Variants in KREMEN1 observed in about 807,000 individuals in gnomAD.
The protein encoded by KREMEN1 is kringle containing transmembrane protein 1, also known as kremen protein 1.
A neutral mutation model predicts 46.5 loss-of-function variants in KREMEN1; 30 were observed. The observed-to-expected ratio is 0.65, with a 90% CI of 0.48 to 0.88. The LOEUF (loss-of-function observed/expected upper bound fraction) is 0.88, where lower values mean the gene tolerates loss of function less well. Among genes scored for constraint, KREMEN1 ranks in the 40% least tolerant of loss-of-function variants. The pLI is 0.00. For missense variants in KREMEN1, 533 were observed against 596.9 expected, an observed-to-expected ratio of 0.89 and a Z score of 1.11; for synonymous variants, 214 against 230.6, an observed-to-expected ratio of 0.93 and a Z score of 0.65.
chr22:29,150,485 C>T (rs1342641387), downstream of KREMEN1, among the ~76,000 whole-genome samples: 2 of 152,220 alleles, frequency 1.3e-5, no homozygotes, highest in African/African-American at 4.8e-5. Flanking sequence ...CCAGGGCTTT[C>T]GCAACAGTGA....
intron 1 of KREMEN1, among the ~76,000 whole-genome samples, chr22:29,087,049 C>T (rs1030642993): frequency 2.6e-5 from 4 of 152,148 alleles, no homozygotes; most frequent in African/African-American, 7.2e-5. Context: ...AGGCATGAGC[C>T]ATACCCTCTA....
intron 4 of KREMEN1, among the ~76,000 whole-genome samples, chr22:29,124,081 C>G (rs1388205894): frequency 6.6e-6 from 1 of 151,948 alleles, no homozygotes; most frequent in Non-Finnish European, 1.5e-5. Context: ...AGTTATTACC[C>G]TAGAGACATG....
intron 5 of KREMEN1, among the ~76,000 whole-genome samples, chr22:29,136,401 A>G (rs112363335): frequency 0.035 from 5,331 of 151,674 alleles, 345 homozygotes; most frequent in African/African-American, 0.12. Flanking sequence ...GTGAAACCCC[A>G]TCTCTACTAA....
Position 29,084,018 on chromosome 22 carries a change from C to T in KREMEN1, c.98-10240C>T, listed in dbSNP as rs555366810. 2.1e-3 allele frequency among the ~76,000 whole-genome samples: 320 copies of T among 152,066 alleles called. 3 individuals are homozygous for T. Among genetic ancestry groups the T allele is most frequent in the Admixed American group, 7.7e-3 (117 of 15,270 alleles). ...AGGGGTAGATTACTCATGAGATTTCCGGGAAGGGGGTGAGGAGGTCCCGGA... is the reference window on the plus strand; with the variant it reads ...AGGGGTAGATTACTCATGAGATTTCTGGGAAGGGGGTGAGGAGGTCCCGGA... On this transcript the variant is annotated intron_variant, in intron 1 of 8. Transcript: ENST00000400335.
chr22:29,151,831 G>T (rs1182027036), intron 9 of KREMEN1, among the ~76,000 whole-genome samples: 1 of 151,966 alleles, frequency 6.6e-6, no homozygotes, highest in Admixed American at 6.6e-5. Context: ...CCAACATGGT[G>T]AAACCCTGTC....
downstream of KREMEN1, among the ~76,000 whole-genome samples, chr22:29,148,349 G>A (rs1442965924): frequency 6.6e-6 from 1 of 152,202 alleles, no homozygotes; most frequent in Non-Finnish European, 1.5e-5. Context: ...GTCCTGGGAT[G>A]CACTGAGGCA....
intron 4 of KREMEN1, 117 bp from the exon 5 acceptor site, chr22:29,125,146 A>G: frequency 1.8e-6 from 2 of 1,111,990 alleles, no homozygotes; most frequent in Non-Finnish European, 1.3e-6. Flanking sequence ...GTCCCAGGGG[A>G]AGGGACCCTG....
chr22:29,142,995 T>G lies in KREMEN1; in HGVS notation c.*883T>G, dbSNP rs2038791770. The G allele has an allele frequency of 1.9e-6, 1 of 534,368 alleles. No homozygotes were observed. The highest frequency in any genetic ancestry group is 2.4e-6 in the Non-Finnish European group (1 of 418,486). The allele number at this position is 534,368 out of a possible 1,614,324, so 33.1% of individuals were successfully genotyped here. ...TGAAACCCCGTCTCTACTAAAAATATAAAAATTAGTCAGGCGTGGTGGCAG... is the reference window on the plus strand; with the variant it reads ...TGAAACCCCGTCTCTACTAAAAATAGAAAAATTAGTCAGGCGTGGTGGCAG... On this transcript the variant is annotated 3_prime_UTR_variant, in exon 9 of 9. Transcript: ENST00000400335.
chr22:29,147,699 C>T (rs73397010), downstream of KREMEN1, among the ~76,000 whole-genome samples: 254 of 152,316 alleles, frequency 1.7e-3, no homozygotes, highest in African/African-American at 5.7e-3. Context: ...GGAAACCAGT[C>T]GGGAGACTCT....
intron 9 of KREMEN1, among the ~76,000 whole-genome samples, chr22:29,163,984 A>G (rs1777205047): frequency 6.6e-6 from 1 of 151,858 alleles, no homozygotes; most frequent in South Asian, 2.1e-4. Context: ...GGGCCCATTC[A>G]CAGATTGAAT....
At chr22:29,083,678 A>G (rs112355509) in intron 1 of KREMEN1, among the ~76,000 whole-genome samples, 2,753 of 152,262 alleles carry the variant, frequency 0.018, 85 homozygotes, top group African/African-American at 0.063. Context: ...CTAAAAATAC[A>G]AAAGTTAGCC....
At position 29,140,347 on chromosome 22, in the gene KREMEN1, C is replaced by A; in HGVS notation, c.1189C>A (p.Leu397Ile). Residue 397 changes from leucine to isoleucine, a missense_variant, in exon 8 of 9, where the codon CTT (leucine) becomes ATT (isoleucine). By Grantham distance (5) the Leu-to-Ile change is conservative. Coordinates refer to ENST00000400335, the MANE Select transcript of KREMEN1 (RefSeq NM_001039570.3). ...AGTCACAGCCATTGTAGCAAAGATA[C>A]TTCTGCACGTCACATTCAAGTGAGT... Reference protein sequence around the residue: ...LTVTAIVAKILLHVTFKSHRV... With the variant: ...LTVTAIVAKIILHVTFKSHRV... 6.2e-7 allele frequency: 1 copy of A among 1,613,670 alleles called. No homozygotes were observed. The highest frequency in any genetic ancestry group is 8.5e-7 in the Non-Finnish European group (1 of 1,179,526).
rs2037509802 is a variant in KREMEN1, at chr22:29,073,505, C to T, written c.97+278C>T. Among the ~76,000 whole-genome samples the T allele has an allele frequency of 6.6e-6, 1 of 152,034 alleles. No homozygotes were observed. The highest frequency in any genetic ancestry group is 2.1e-4 in the South Asian group (1 of 4,822). On this transcript the variant is annotated intron_variant, in intron 1 of 8. Transcript: ENST00000400335. This position sits in a 1 kb window ranked among gnomAD's most constrained non-coding sequence, Gnocchi z 4.4. ...CCTCAGCCCAGGAGGCCCTCTCCGCCTTGAGTCTTCCAAGACCCTCTGCGA... is the reference window on the plus strand; with the variant it reads ...CCTCAGCCCAGGAGGCCCTCTCCGCTTTGAGTCTTCCAAGACCCTCTGCGA...
At chr22:29,125,679 G>A (rs1204627721) in intron 5 of KREMEN1, among the ~76,000 whole-genome samples, 1 of 152,164 alleles carries the variant, frequency 6.6e-6, no homozygotes, top group African/African-American at 2.4e-5. Context: ...GTGATGCTTA[G>A]ACAACCCAGA....
chr22:29,105,305 C>T (rs929451869), intron 3 of KREMEN1, among the ~76,000 whole-genome samples: 3 of 147,858 alleles, frequency 2.0e-5, no homozygotes, highest in Admixed American at 6.8e-5. Flanking sequence ...AGAACAGACC[C>T]GTTACATTTT....
At position 29,146,696 on chromosome 22, in the gene KREMEN1, A is replaced by G. The variant is rs890014345; in HGVS notation, c.*4584A>G. The G allele has an allele frequency of 2.9e-5, 27 of 920,118 alleles. No homozygotes were observed. The highest frequency in any genetic ancestry group is 2.5e-4 in the South Asian group (5 of 19,950). The allele number at this position is 920,118 out of a possible 1,614,324, so 57.0% of individuals were successfully genotyped here. A position where few individuals can be genotyped will look rare whatever the true frequency, so the allele number is the denominator to read the frequency against. On this transcript the variant is annotated 3_prime_UTR_variant, in exon 9 of 9. Transcript: ENST00000400335. ...GATGAAGTGTGACGCACTGTATACA[A>G]TTTAATATATATTTTTAGGGTTTTG...
intron 1 of KREMEN1, among the ~76,000 whole-genome samples, chr22:29,086,890 G>A (rs2037737596): frequency 6.6e-6 from 1 of 151,892 alleles, no homozygotes; most frequent in Non-Finnish European, 1.5e-5. Context: ...AGGATTACAA[G>A]CACACACCAC....
At chr22:29,167,159 C>T (rs2039059570) in exon 10 of KREMEN1, 2 of 1,367,546 alleles carry the variant, frequency 1.5e-6, no homozygotes, top group Admixed American at 2.0e-5. Flanking sequence ...TTTCAGAGGG[C>T]AGAGGGGACA....
Position 29,145,409 on chromosome 22 carries a change from G to A in KREMEN1, c.*3297G>A, listed in dbSNP as rs911795084. The A allele has an allele frequency of 6.2e-5, 61 of 985,340 alleles. No individual in the cohort carries two copies. The highest frequency in any genetic ancestry group is 3.1e-4 in the African/African-American group (18 of 57,212). The allele number at this position is 985,340 out of a possible 1,614,324, so 61.0% of individuals were successfully genotyped here. A position where few individuals can be genotyped will look rare whatever the true frequency, so the allele number is the denominator to read the frequency against. On this transcript the variant is annotated 3_prime_UTR_variant, in exon 9 of 9. Coordinates refer to ENST00000400335, the MANE Select transcript of KREMEN1 (RefSeq NM_001039570.3). ...AAAGCCCCTCCTGAGGTGACAGAGCGTGGGAGGAGGCTGCACTGGGCCTGC... is the reference window on the plus strand; with the variant it reads ...AAAGCCCCTCCTGAGGTGACAGAGCATGGGAGGAGGCTGCACTGGGCCTGC...
Sources: gnomAD v4.1 joint callset for allele counts (sites outside exome capture counted in the v4.1 genomes callset) on GRCh38, gnomAD v4.1.1 for gene constraint, Gnocchi (gnomAD v3.1) non-coding constraint, MANE v1.5 for transcripts, NCBI Gene and HGNC (gene_info 2026-07-23, HGNC 2026-07-21) for gene names.